Variants in TECRL observed in about 807,000 individuals in gnomAD.
TECRL encodes the protein trans-2,3-enoyl-CoA reductase-like.
Under a neutral mutation model 52.8 loss-of-function variants are expected in TECRL, and 63 were observed. The observed-to-expected ratio is 1.19, with a 90% confidence interval of 0.97 to 1.47. The LOEUF is 1.47. TECRL is among the 40% of genes most tolerant of loss of function. TECRL has a pLI of 0.00. For missense variants in TECRL, 482 were observed against 429.6 expected, an observed-to-expected ratio of 1.12 and a Z score of -1.08; for synonymous variants, 164 against 141.9, an observed-to-expected ratio of 1.16 and a Z score of -1.10.
chr4:64,348,657 G>T (rs73821112), intron 2 of TECRL, among the ~76,000 whole-genome samples: 1,985 of 152,174 alleles, frequency 0.013, 50 homozygotes, highest in African/African-American at 0.045. Context: ...TAGTCTCCTA[G>T]AGTCTGTTCT....
intron 2 of TECRL, among the ~76,000 whole-genome samples, chr4:64,360,487 G>A (rs1721098714): frequency 6.6e-6 from 1 of 152,168 alleles, no homozygotes. Context: ...TAAAGAGTAA[G>A]ATTAGATAAC....
chr4:64,364,910 G>A (rs1245869880), intron 2 of TECRL, among the ~76,000 whole-genome samples: 2 of 151,700 alleles, frequency 1.3e-5, no homozygotes, highest in African/African-American at 2.4e-5. Flanking sequence ...ATTCTATGAG[G>A]CCAGCATTAT....
At chr4:64,397,978 G>A (rs1385744825) in intron 1 of TECRL, among the ~76,000 whole-genome samples, 2 of 151,474 alleles carry the variant, frequency 1.3e-5, no homozygotes, top group Non-Finnish European at 2.9e-5. Context: ...TATTTAATTT[G>A]AACTGTTTTA....
At chr4:64,305,070 T>C (rs1420286054) in intron 7 of TECRL, 96 bp downstream of exon 7, 8 of 879,652 alleles carry the variant, frequency 9.1e-6, no homozygotes, top group African/African-American at 1.7e-5. Flanking sequence ...AATGAATTGT[T>C]TCATTTTTTA....
chr4:64,387,829 AC>A (rs1385432005), intron 1 of TECRL, among the ~76,000 whole-genome samples: 3 of 151,926 alleles, frequency 2.0e-5, no homozygotes, highest in Non-Finnish European at 2.9e-5. Flanking sequence ...CACATTAATT[AC>A]TTTTTAAATG....
At chr4:64,324,219 T>C (rs954799025) in intron 3 of TECRL, among the ~76,000 whole-genome samples, 4 of 152,090 alleles carry the variant, frequency 2.6e-5, no homozygotes, top group African/African-American at 7.2e-5. Flanking sequence ...TAAAAAAATA[T>C]CTTTTTAAGC....
At chr4:64,317,740 G>A (rs1560494835) in intron 4 of TECRL, among the ~76,000 whole-genome samples, 1 of 152,108 alleles carries the variant, frequency 6.6e-6, no homozygotes, top group Non-Finnish European at 1.5e-5. Context: ...ATACTAATGA[G>A]TCTAGTGAGA....
Position 64,279,814 on chromosome 4 carries a change from G to A in TECRL, c.*258C>T. On this transcript the variant is annotated 3_prime_UTR_variant, in exon 12 of 12. Coordinates refer to ENST00000381210, the MANE Select transcript of TECRL (RefSeq NM_001010874.5). ...AATAGTATTGTGAAGTATTAATGAA[G>A]TAAGACAATTTTATTCAAGGACCAA... The A allele has an allele frequency of 9.8e-7, 1 of 1,023,044 alleles. No homozygotes were observed. Among genetic ancestry groups the A allele is most frequent in the Non-Finnish European group, 1.2e-6 (1 of 855,028 alleles). The allele number at this position is 1,023,044 out of a possible 1,614,324, so 63.4% of individuals were successfully genotyped here.
intron 5 of TECRL, among the ~76,000 whole-genome samples, chr4:64,314,165 TAATAA>T (rs1407419070): frequency 6.6e-6 from 1 of 151,230 alleles, no homozygotes; most frequent in Middle Eastern, 3.4e-3. Context: ...ATAATACCAA[TAATAA>T]AATAAAATAA....
chr4:64,296,951 A>T (rs1421184317), intron 8 of TECRL, among the ~76,000 whole-genome samples: 1 of 151,576 alleles, frequency 6.6e-6, no homozygotes, highest in African/African-American at 2.4e-5. Flanking sequence ...ATACCCGAAC[A>T]TATCTGAGGA....
At chr4:64,381,452 T>C (rs1015545040) in intron 1 of TECRL, among the ~76,000 whole-genome samples, 5 of 152,100 alleles carry the variant, frequency 3.3e-5, no homozygotes, top group African/African-American at 1.2e-4. Flanking sequence ...TGGGTATCCT[T>C]GTCTTGTTCC....
At chr4:64,287,899 C>A (rs879895530) in intron 9 of TECRL, among the ~76,000 whole-genome samples, 16 of 152,078 alleles carry the variant, frequency 1.1e-4, no homozygotes, top group Non-Finnish European at 2.1e-4. Flanking sequence ...GTAATCCCAG[C>A]ACTTTGGGAG....
intron 2 of TECRL, among the ~76,000 whole-genome samples, chr4:64,372,038 G>A (rs1722010903): frequency 6.6e-6 from 1 of 151,486 alleles, no homozygotes; most frequent in Non-Finnish European, 1.5e-5. Flanking sequence ...AGTGTCACTG[G>A]GACTAATAAT....
At chr4:64,327,730 A>G (rs1712170631) in intron 3 of TECRL, among the ~76,000 whole-genome samples, 1 of 152,042 alleles carries the variant, frequency 6.6e-6, no homozygotes, top group South Asian at 2.1e-4. Flanking sequence ...GTTTCGAGAG[A>G]CTCAAAGAAA....
At chr4:64,350,401 T>A (rs1328813962) in intron 2 of TECRL, among the ~76,000 whole-genome samples, 1 of 152,132 alleles carries the variant, frequency 6.6e-6, no homozygotes, top group Non-Finnish European at 1.5e-5. Flanking sequence ...CATAACTAGG[T>A]GTGAAGGTTA....
chr4:64,353,475 T>C (rs10006428), intron 2 of TECRL, among the ~76,000 whole-genome samples: 100,764 of 151,976 alleles, frequency 0.66, 34,772 homozygotes, highest in Non-Finnish European at 0.76. Context: ...AGATATAGTA[T>C]GGTATAAAGT....
intron 2 of TECRL, among the ~76,000 whole-genome samples, chr4:64,359,533 A>C (rs144586515): frequency 2.8e-3 from 422 of 151,944 alleles, no homozygotes; most frequent in African/African-American, 9.5e-3. Flanking sequence ...AAAGTCCATA[A>C]TATCAGGCTT....
intron 2 of TECRL, among the ~76,000 whole-genome samples, chr4:64,352,821 T>C (rs983712325): frequency 4.6e-5 from 7 of 152,210 alleles, no homozygotes; most frequent in Admixed American, 4.6e-4. Context: ...TTATTTACAG[T>C]ATAGATGACA....
chr4:64,294,146 C>G (rs1015548381), intron 8 of TECRL, among the ~76,000 whole-genome samples: 26 of 151,848 alleles, frequency 1.7e-4, no homozygotes, highest in South Asian at 4.2e-4. Context: ...GCCACCACGC[C>G]CAGCTAATTT....
Sources: gnomAD v4.1 joint callset for allele counts (sites outside exome capture counted in the v4.1 genomes callset) on GRCh38, gnomAD v4.1.1 for gene constraint, MANE v1.5 for transcripts, NCBI Gene and HGNC (gene_info 2026-07-23, HGNC 2026-07-21) for gene names.